The following NPHS1 variants were observed in gnomAD, a reference collection of about 807,000 sequenced individuals.
The protein encoded by NPHS1 is nephrin.
In NPHS1, 107 loss-of-function variants were observed where a neutral mutation model predicts 139.7. The observed-to-expected ratio is 0.77, with a 90% CI of 0.66 to 0.90. NPHS1 has a LOEUF of 0.90. Ranked by LOEUF, NPHS1 falls within the 40% of genes least tolerant of loss-of-function variation. The probability of loss-of-function intolerance (pLI) is 0.00; values close to 1 mark genes in which losing one functional copy is unlikely to be tolerated. For synonymous variants in NPHS1, 707 were observed against 706.6 expected, an observed-to-expected ratio of 1.00 and a Z score of -0.01; for missense variants, 1,580 against 1,654.2, an observed-to-expected ratio of 0.96 and a Z score of 0.78.
In NPHS1 at chr19:35,845,694, A is replaced by T; in HGVS notation, c.1732T>A (p.Leu578Met). The change falls in exon 13 of 29, where the codon TTG (leucine) becomes ATG (methionine). Residue 578 changes from leucine (L) to methionine (M), a missense_variant. Transcript: ENST00000378910. The surrounding 1 kb of genome is among the most constrained non-coding windows in gnomAD (Gnocchi z 5.5). ...VSVSSNPPVN[L>M]SWDKEGERLE... ...CTCTCCCCTTCCTTGTCCCAGGACA[A>T]GTTGACCGGCGGATTGCTGCTGACG... The T allele has an allele frequency of 6.2e-6, 10 of 1,614,000 alleles. No homozygotes were observed. Among genetic ancestry groups the T allele is most frequent in the Non-Finnish European group, 8.5e-6 (10 of 1,179,924 alleles).
Position 35,831,390 on chromosome 19 carries a change from G to A in NPHS1, c.3312-19C>T, listed in dbSNP as rs780567308. Reference sequence around the variant, plus strand: ...TTCCGACCTTCCAGGATGAAGGTGTGGGGGGAAGTTGAGTGCTGCCCCCCG... The same window carrying A: ...TTCCGACCTTCCAGGATGAAGGTGTAGGGGGAAGTTGAGTGCTGCCCCCCG... On this transcript the variant is annotated intron_variant, in intron 25 of 28. Transcript: ENST00000378910. The A allele has an allele frequency of 6.2e-7, 1 of 1,613,452 alleles. No individual in the cohort carries two copies. The highest frequency in any genetic ancestry group is 8.5e-7 in the Non-Finnish European group (1 of 1,179,592).
chr19:35,844,255 C>T lies in NPHS1; in HGVS notation c.2072-12G>A, dbSNP rs1244209482. ...CCGGGGGCCGCCCGCTGGGGAAGGC[C>T]AGAATAAGGGACCTGGCAGGACCTC... On this transcript the variant is annotated splice_polypyrimidine_tract_variant and intron_variant, in intron 15 of 28. Transcript: ENST00000378910. The T allele has an allele frequency of 9.9e-6, 16 of 1,613,516 alleles. No homozygotes were observed. The highest frequency in any genetic ancestry group is 1.4e-5 in the Non-Finnish European group (16 of 1,179,922).
At chr19:35,848,909 T>C in intron 8 of NPHS1, 67 bp downstream of exon 8, 1 of 1,610,640 alleles carries the variant, frequency 6.2e-7, no homozygotes, top group Non-Finnish European at 8.5e-7. Flanking sequence ...AGGCATAATT[T>C]GGGGGCACAC....
chr19:35,845,704 C>T lies in NPHS1; in HGVS notation c.1722G>A (p.Pro574=), dbSNP rs1973130086. 1 of 1,614,016 alleles carries T rather than the reference C, an allele frequency of 6.2e-7. No individual in the cohort carries two copies. The highest frequency in any genetic ancestry group is 8.5e-7 in the Non-Finnish European group (1 of 1,179,948). Residue 574 remains proline, a synonymous_variant, in exon 13 of 29, where the codon CCG becomes CCA. Transcript: ENST00000378910. The surrounding 1 kb of genome is among the most constrained non-coding windows in gnomAD (Gnocchi z 5.5). The part of the protein sequence containing the change: ...NLTCVSVSSN[P]PVNLSWDKEG... ...CCTTGTCCCAGGACAAGTTGACCGG[C>T]GGATTGCTGCTGACGCTGACGCATG...
rs1437994792 is a variant in NPHS1, at chr19:35,825,854, CAG to C, written c.*658_*659del. On this transcript the variant is annotated 3_prime_UTR_variant, in exon 29 of 29. Coordinates refer to ENST00000378910, the MANE Select transcript of NPHS1 (RefSeq NM_004646.4). Reference sequence around the variant, plus strand: ...CAGACGTCATGGAATGCAAAATGAACAGAGTTTTTCATATGTCTTTCCCCACT... The same window carrying C: ...CAGACGTCATGGAATGCAAAATGAACAGTTTTTCATATGTCTTTCCCCACT... 3.9e-5 allele frequency: 6 copies of C among 152,388 alleles called. No individual in the cohort carries two copies. The highest frequency in any genetic ancestry group is 3.3e-4 in the Admixed American group (5 of 15,298). The allele number at this position is 152,388 out of a possible 1,614,324, so 9.4% of individuals were successfully genotyped here.
intron 28 of NPHS1, among the ~76,000 whole-genome samples, chr19:35,827,626 T>C (rs916588535): frequency 1.3e-5 from 2 of 152,260 alleles, no homozygotes; most frequent in East Asian, 3.9e-4. Flanking sequence ...GTCAGAAATA[T>C]AAAACCTTTA....
At chr19:35,838,210 C>CTCCA (rs899839556) in intron 22 of NPHS1, among the ~76,000 whole-genome samples, 1 of 151,590 alleles carries the variant, frequency 6.6e-6, no homozygotes, top group Admixed American at 6.6e-5. Context: ...CACCATTGCA[C>CTCCA]TCCACCCTGG....
At chr19:35,846,254 C>T (rs1052464180) in intron 11 of NPHS1, 60 bp from the exon 12 acceptor site, 95 of 1,514,634 alleles carry the variant, frequency 6.3e-5, no homozygotes, top group Non-Finnish European at 7.5e-5. Context: ...CAACCCCCAA[C>T]CCCCCTACCC....
chr19:35,826,549 A>G lies in NPHS1; in HGVS notation c.3691T>C (p.Ser1231Pro). 1 of 1,613,974 alleles carries G rather than the reference A, an allele frequency of 6.2e-7. No homozygotes were observed. The highest frequency in any genetic ancestry group is 8.5e-7 in the Non-Finnish European group (1 of 1,180,014). ...AGDLDTLEPD[S>P]LPFELRGHLV ...TGTCCCCTCAGCTCGAAGGGCAGAG[A>G]ATCGGGTTCCAGAGTGTCCAAGTCT... is the stretch of plus-strand genomic sequence containing the variant. Residue 1231 changes from serine to proline, a missense_variant, in exon 29 of 29, where the codon TCT becomes CCT. Coordinates refer to ENST00000378910, the MANE Select transcript of NPHS1 (RefSeq NM_004646.4).
intron 22 of NPHS1, among the ~76,000 whole-genome samples, 191 bp downstream of exon 22, chr19:35,839,046 T>C (rs1214385394): frequency 6.6e-6 from 1 of 152,212 alleles, no homozygotes; most frequent in Non-Finnish European, 1.5e-5. Flanking sequence ...TGGTTAACGG[T>C]TGGTCTCAAG....
rs1973224644 is a variant in NPHS1 at position 35,850,548 on chromosome 19, T to G, written c.527-103A>C. 1.0e-5 allele frequency: 10 copies of G among 978,810 alleles called. No individual in the cohort carries two copies. In the East Asian group the frequency reaches 2.2e-4, roughly 22 times the overall value. 60.6% of individuals were successfully genotyped at this position (978,810 alleles called of 1,614,324 possible). ...CAGGGTGGGTGCGATGCCCCCTCCC[T>G]CCTCGTTCTAGAGGAAAAGGGCCTG... is the stretch of plus-strand genomic sequence containing the variant. On this transcript the variant is annotated intron_variant, in intron 4 of 28. Coordinates refer to ENST00000378910, the MANE Select transcript of NPHS1 (RefSeq NM_004646.4).
chr19:35,844,582 C>T (rs1439735989), intron 14 of NPHS1, 123 bp from the exon 15 acceptor site: 1 of 993,792 alleles, frequency 1.0e-6, no homozygotes, highest in African/African-American at 1.6e-5. Flanking sequence ...AGGTTGTGGA[C>T]AAGGTAACAA....
At chr19:35,834,515 A>G (rs147188243) in intron 23 of NPHS1, among the ~76,000 whole-genome samples, 77 of 152,280 alleles carry the variant, frequency 5.1e-4, no homozygotes, top group African/African-American at 1.8e-3. Context: ...CTTACAGGAC[A>G]TGGAGTGAGC....
At chr19:35,843,341 G>A (rs1270117954) in intron 17 of NPHS1, 131 bp downstream of exon 17, 1 of 1,169,234 alleles carries the variant, frequency 8.6e-7, no homozygotes, top group Admixed American at 1.8e-5. Context: ...TTCATTCTGG[G>A]AGCATGCCCT....
Position 35,851,054 on chromosome 19 carries a change from C to A in NPHS1, c.433G>T (p.Gly145Cys). The A allele has an allele frequency of 6.2e-7, 1 of 1,614,208 alleles. No homozygotes were observed. Among genetic ancestry groups the A allele is most frequent in the Non-Finnish European group, 8.5e-7 (1 of 1,180,040 alleles). ...PKLLLLTPEA[G>C]TMVTWVAGQE... is the part of the protein sequence containing the mutation. Reference sequence around the variant, plus strand: ...CCAGCTACCCAGGTGACCATGGTGCCTGCCTCTGGGGTCAGCAGGAGCAGC... The same window carrying A: ...CCAGCTACCCAGGTGACCATGGTGCATGCCTCTGGGGTCAGCAGGAGCAGC... The change falls in exon 4 of 29, where the codon GGC (glycine) becomes TGC (cysteine). Residue 145 changes from glycine (G) to cysteine (C), a missense_variant. Transcript: ENST00000378910.
In NPHS1 at chr19:35,852,208, C is replaced by T. The variant is rs1030777155; in HGVS notation, c.-371G>A. 6.6e-6 allele frequency among the ~76,000 whole-genome samples: 1 copy of T among 151,028 alleles called. No homozygotes were observed. The highest frequency in any genetic ancestry group is 2.4e-5 in the African/African-American group (1 of 41,060). ...CCTCCCCAAGTGTTGGGATTACAGG[C>T]GTGAGCCACTGCGCCCAGTCTCTTT... On this transcript the variant is annotated 5_prime_UTR_variant, in exon 1 of 29. Coordinates refer to ENST00000378910, the MANE Select transcript of NPHS1 (RefSeq NM_004646.4).
Position 35,848,649 on chromosome 19 carries a change from C to T in NPHS1, c.1158G>A (p.Glu386=). The T allele has an allele frequency of 6.2e-7, 1 of 1,613,824 alleles. No homozygotes were observed. Among genetic ancestry groups the T allele is most frequent in the Non-Finnish European group, 8.5e-7 (1 of 1,180,022 alleles). The change falls in exon 9 of 29, where the codon GAG becomes GAA. Residue 386 remains glutamate, a synonymous_variant. Coordinates refer to ENST00000378910, the MANE Select transcript of NPHS1 (RefSeq NM_004646.4). ...LGWRQLLPME[E]TVMDGLHGGH... ...GCCCCCGCCTCACATCCATGACTGT[C>T]TCCTCCATGGGCAGCAGCTGCCGCC...
chr19:35,848,457 G>C, intron 9 of NPHS1, 60 bp from the exon 10 acceptor site: 1 of 1,611,382 alleles, frequency 6.2e-7, no homozygotes, highest in Non-Finnish European at 8.5e-7. Context: ...CGTGCTAGAG[G>C]CCTGAGTCCA....
chr19:35,849,700 T>C, intron 5 of NPHS1, 47 bp from the exon 6 acceptor site: 1 of 1,454,172 alleles, frequency 6.9e-7, no homozygotes, highest in Non-Finnish European at 9.7e-7. Context: ...TCATCTGAAA[T>C]TTGGGGAGTC....
Sources: allele counts gnomAD v4.1 joint callset (sites outside exome capture counted in the v4.1 genomes callset), GRCh38; gene constraint gnomAD v4.1.1; non-coding constraint Gnocchi (gnomAD v3.1); transcripts MANE v1.5; gene names NCBI Gene and HGNC (gene_info 2026-07-23, HGNC 2026-07-21).